Variants in ARHGAP35 observed in about 807,000 individuals in gnomAD.
The protein encoded by ARHGAP35 is rho GTPase-activating protein 35.
A neutral mutation model predicts 111.1 loss-of-function variants in ARHGAP35; 15 were observed. That is an observed-to-expected ratio of 0.13 (90% CI 0.09 to 0.21). ARHGAP35 has a LOEUF of 0.21. Ranked by LOEUF, ARHGAP35 falls within the 10% of genes least tolerant of loss-of-function variation. The pLI is 1.00. For synonymous variants in ARHGAP35, 643 were observed against 710.3 expected, an observed-to-expected ratio of 0.91 and a Z score of 1.51; for missense variants, 1,262 against 1,873.0, an observed-to-expected ratio of 0.67 and a Z score of 6.02.
chr19:46,925,739 C>T (rs766443536), intron 2 of ARHGAP35, among the ~76,000 whole-genome samples: 3 of 152,278 alleles, frequency 2.0e-5, no homozygotes, highest in Non-Finnish European at 2.9e-5. Flanking sequence ...CCAGCTCCTC[C>T]GCTTCCTTAG....
chr19:46,908,963 T>C lies in ARHGAP35; in HGVS notation c.-188-9525T>C, dbSNP rs2056124433. Among the ~76,000 whole-genome samples the C allele has an allele frequency of 6.6e-6, 1 of 152,136 alleles. No individual in the cohort carries two copies. The highest frequency in any genetic ancestry group is 2.1e-4 in the South Asian group (1 of 4,824). On this transcript the variant is annotated intron_variant, in intron 1 of 6. Transcript: ENST00000672722. This position sits in a 1 kb window ranked among gnomAD's most constrained non-coding sequence, Gnocchi z 4.2. The stretch of plus-strand genomic sequence containing the variant: ...CAGGAGGGGACATTTGCAAAAATTA[T>C]AAATGGAATGTCAGAGAATCTTTCA...
At chr19:46,948,139 GA>G (rs2056390537) in intron 3 of ARHGAP35, 1 of 152,254 alleles carries the variant, frequency 6.6e-6, no homozygotes, top group Non-Finnish European at 1.5e-5. Flanking sequence ...GGTGGGGGAA[GA>G]TTAGAGTCCT....
chr19:46,870,241 G>C lies in ARHGAP35; in HGVS notation c.-189+9032G>C, dbSNP rs892127097. On this transcript the variant is annotated intron_variant, in intron 1 of 6. Coordinates refer to ENST00000672722, the MANE Select transcript of ARHGAP35 (RefSeq NM_004491.5). ...TGGGATTACAGGCGTGAGCTACCAC[G>C]CCCGGCTTGTATACTTTTTTTAATG... Among the ~76,000 whole-genome samples, 4 of 151,440 alleles carry C rather than the reference G, an allele frequency of 2.6e-5. No individual in the cohort carries two copies. In the East Asian group the frequency reaches 7.9e-4, roughly 30 times the overall value.
Position 46,918,145 on chromosome 19 carries a change from GT to G in ARHGAP35, c.-188-335del, listed in dbSNP as rs1171817776. 1.3e-5 allele frequency among the ~76,000 whole-genome samples: 2 copies of G among 152,038 alleles called. No individual in the cohort carries two copies. The highest frequency in any genetic ancestry group is 1.9e-4 in the East Asian group (1 of 5,180). On this transcript the variant is annotated intron_variant, in intron 1 of 6. Transcript: ENST00000672722. This position sits in a 1 kb window ranked among gnomAD's most constrained non-coding sequence, Gnocchi z 5.4. ...CTGTGTCCTTGTGAGATGCTCCATC[GT>G]TTTTTTTCTTGCATAAAAAGATGTT...
At chr19:46,876,492 C>T (rs2055922427) in intron 1 of ARHGAP35, among the ~76,000 whole-genome samples, 1 of 151,956 alleles carries the variant, frequency 6.6e-6, no homozygotes, top group Non-Finnish European at 1.5e-5. Flanking sequence ...CCTGCCTCAG[C>T]CTCCCAAGTA....
At chr19:46,938,953 C>T (rs959241602) in intron 3 of ARHGAP35, among the ~76,000 whole-genome samples, 4 of 152,136 alleles carry the variant, frequency 2.6e-5, no homozygotes, top group Non-Finnish European at 5.9e-5. Context: ...CTGCGCCTGG[C>T]CTGAAGATAG....
intron 1 of ARHGAP35, among the ~76,000 whole-genome samples, chr19:46,863,277 G>A (rs972862706): frequency 2.6e-5 from 4 of 152,152 alleles, no homozygotes; most frequent in African/African-American, 9.7e-5. Flanking sequence ...TTCTCTCTCT[G>A]CGCCCTAACC....
chr19:46,867,574 T>C (rs1354522907), intron 1 of ARHGAP35, among the ~76,000 whole-genome samples: 1 of 152,250 alleles, frequency 6.6e-6, no homozygotes, highest in Non-Finnish European at 1.5e-5. Flanking sequence ...GTTCCCATTC[T>C]GCCTTATTTT....
rs1555755984 is a variant in ARHGAP35, at chr19:46,905,391, T to TTA, written c.-188-13097_-188-13096insTA. Among the ~76,000 whole-genome samples, 583 of 147,596 alleles carry TTA rather than the reference T, an allele frequency of 3.9e-3. 7 individuals are homozygous for TTA. The highest frequency in any genetic ancestry group is 0.012 in the African/African-American group (472 of 39,760). On this transcript the variant is annotated intron_variant, in intron 1 of 6. Transcript: ENST00000672722. ...CTTAAACTTTTTTTTTTTTTTTTTTTAATAGATGGAGTCTCATTCTGTCAC... is the reference window on the plus strand; with the variant it reads ...CTTAAACTTTTTTTTTTTTTTTTTTTTAAATAGATGGAGTCTCATTCTGTCAC...
intron 5 of ARHGAP35, among the ~76,000 whole-genome samples, chr19:46,996,787 A>G (rs1000838993): frequency 6.6e-6 from 1 of 152,210 alleles, no homozygotes; most frequent in African/African-American, 2.4e-5. Context: ...TCCTCCCTAC[A>G]GCAGTTTACT....
At chr19:46,913,991 A>T (rs976972163) in intron 1 of ARHGAP35, among the ~76,000 whole-genome samples, 2 of 151,968 alleles carry the variant, frequency 1.3e-5, no homozygotes, top group African/African-American at 4.8e-5. Flanking sequence ...GACTCAGCTA[A>T]TTTTTTTTAC....
Position 46,920,076 on chromosome 19 carries a change from G to C in ARHGAP35, c.1401G>C (p.Trp467Cys). Reference protein sequence around the residue: ...SFIMNEDFYQWLEESVYMDIY... With the variant: ...SFIMNEDFYQCLEESVYMDIY... ...TTATGAATGAGGATTTCTACCAGTG[G>C]CTGGAGGAATCTGTATACATGGATA... Residue 467 changes from tryptophan to cysteine, a missense_variant, in exon 2 of 7, where the codon TGG (tryptophan) becomes TGC (cysteine). By Grantham distance (215) the Trp-to-Cys change is radical (BLOSUM62 -2). Coordinates refer to ENST00000672722, the MANE Select transcript of ARHGAP35 (RefSeq NM_004491.5). The surrounding 1 kb of genome is among the most constrained non-coding windows in gnomAD (Gnocchi z 7.0). 6.2e-7 allele frequency: 1 copy of C among 1,613,718 alleles called. No individual in the cohort carries two copies. The highest frequency in any genetic ancestry group is 8.5e-7 in the Non-Finnish European group (1 of 1,179,804).
chr19:46,998,885 C>T (rs1382379103), intron 5 of ARHGAP35, among the ~76,000 whole-genome samples: 5 of 152,256 alleles, frequency 3.3e-5, no homozygotes, highest in Admixed American at 6.5e-5. Flanking sequence ...CTCCCTCCCT[C>T]GAAGGCCTGT....
chr19:46,959,935 A>G (rs1370164923), intron 3 of ARHGAP35, among the ~76,000 whole-genome samples: 1 of 147,436 alleles, frequency 6.8e-6, no homozygotes, highest in African/African-American at 2.6e-5. Context: ...TTGCCTCTAC[A>G]AAAAAAATTT....
At chr19:46,996,225 T>C (rs2056706662) in intron 5 of ARHGAP35, among the ~76,000 whole-genome samples, 2 of 152,144 alleles carry the variant, frequency 1.3e-5, no homozygotes, top group African/African-American at 4.8e-5. Context: ...TGCCTCAGCC[T>C]CCCAAATAGC....
In ARHGAP35 at chr19:46,908,890, C is replaced by T. The variant is rs2056124220; in HGVS notation, c.-188-9598C>T. ...ATTCCCACCCTGGAATTCAGAAGAA[C>T]CTTTAAGCAGGGATTGCATGGAGGT... On this transcript the variant is annotated intron_variant, in intron 1 of 6. Transcript: ENST00000672722. The surrounding 1 kb of genome is among the most constrained non-coding windows in gnomAD (Gnocchi z 4.2). Among the ~76,000 whole-genome samples the T allele has an allele frequency of 6.6e-6, 1 of 152,050 alleles. No homozygotes were observed. Among genetic ancestry groups the T allele is most frequent in the South Asian group, 2.1e-4 (1 of 4,822 alleles).
intron 1 of ARHGAP35, among the ~76,000 whole-genome samples, chr19:46,915,311 A>T (rs969501804): frequency 6.6e-6 from 1 of 152,170 alleles, no homozygotes; most frequent in South Asian, 2.1e-4. Context: ...AGAACATGGC[A>T]TCTTTAGGAA....
Position 46,957,488 on chromosome 19 carries a change from C to T in ARHGAP35, c.3826+20080C>T, listed in dbSNP as rs529064411. Among the ~76,000 whole-genome samples, 6 of 152,018 alleles carry T rather than the reference C, an allele frequency of 3.9e-5. No individual in the cohort carries two copies. In the South Asian group the frequency reaches 1.2e-3, roughly 32 times the overall value. Reference sequence around the variant, plus strand: ...ATTTGCCAGGCATGGTAGTATGTGCCTGCAGTCCCAGCTACTTGGGAGGCT... The same window carrying T: ...ATTTGCCAGGCATGGTAGTATGTGCTTGCAGTCCCAGCTACTTGGGAGGCT... On this transcript the variant is annotated intron_variant, in intron 3 of 6. Transcript: ENST00000672722.
intron 1 of ARHGAP35, among the ~76,000 whole-genome samples, chr19:46,880,185 C>A (rs1347812962): frequency 6.6e-6 from 1 of 152,164 alleles, no homozygotes; most frequent in Non-Finnish European, 1.5e-5. Context: ...GTAATCCCAA[C>A]ACTTCGGGAG....
Sources: gnomAD v4.1 joint callset for allele counts (sites outside exome capture counted in the v4.1 genomes callset) on GRCh38, gnomAD v4.1.1 for gene constraint, Gnocchi (gnomAD v3.1) non-coding constraint, MANE v1.5 for transcripts, NCBI Gene and HGNC (gene_info 2026-07-23, HGNC 2026-07-21) for gene names.